Variants in NRXN3 observed in about 807,000 individuals in gnomAD.
NRXN3 encodes the protein neurexin 3.
NRXN3 carries 32 observed loss-of-function variants against 137.6 expected under a neutral mutation model. That is an observed-to-expected ratio of 0.23 (90% confidence interval 0.18 to 0.31). NRXN3 has a LOEUF of 0.31. Among genes scored for constraint, NRXN3 ranks in the 10% least tolerant of loss-of-function variants. The pLI is 1.00. For missense variants in NRXN3, 1,574 were observed against 2,062.5 expected (o/e 0.76, Z 4.59); for synonymous variants, 798 against 784.5 (o/e 1.02, Z -0.29).
rs536311609 is a variant in NRXN3 at position 79,857,504 on chromosome 14, G to A, written c.4094-3838G>A. Among the ~76,000 whole-genome samples the A allele has an allele frequency of 2.9e-4, 44 of 152,262 alleles. No homozygotes were observed. The South Asian group carries it at 8.9e-3, about 31-fold the overall frequency. On this transcript the variant is annotated intron_variant, in intron 20 of 20. Coordinates refer to ENST00000335750, the MANE Select transcript of NRXN3 (RefSeq NM_001330195.2). ...CCCAAAGTGCTGGGATTACAGGCGT[G>A]AGCCACCGTGCCTGGCCAAACTAAG...
At chr14:79,450,307 T>C (rs1403601256) in intron 15 of NRXN3, among the ~76,000 whole-genome samples, 1 of 152,144 alleles carries the variant, frequency 6.6e-6, no homozygotes, top group Non-Finnish European at 1.5e-5. Flanking sequence ...GAGCAGATGT[T>C]GGTCAAAGGG....
At chr14:79,257,433 GTGGTGGTGGTAGTGA>G (rs2076808203) in intron 15 of NRXN3, among the ~76,000 whole-genome samples, 57 of 61,814 alleles carry the variant, frequency 9.2e-4, no homozygotes, top group East Asian at 2.1e-3. Context: ...GATGGTGGTG[GTGGTGGTGGTAGTGA>G]TGGTGGTGGT....
At position 79,089,695 on chromosome 14, in the gene NRXN3, T is replaced by C. The variant is rs200287684; in HGVS notation, c.3262+101554T>C. 2.3e-3 allele frequency among the ~76,000 whole-genome samples: 324 copies of C among 141,876 alleles called. 1 individual carries two copies. The highest frequency in any genetic ancestry group is 8.1e-3 in the African/African-American group (312 of 38,570). The allele number at this position is 141,876 out of a possible 152,430, so 93.1% of individuals were successfully genotyped here. A position where few individuals can be genotyped will look rare whatever the true frequency, so the allele number is the denominator to read the frequency against. On this transcript the variant is annotated intron_variant, in intron 15 of 20. Coordinates refer to ENST00000335750, the MANE Select transcript of NRXN3 (RefSeq NM_001330195.2). ...TGTTACTAAAATCAGATTTTTTTTT[T>C]CCCATGGAGACGATGACTGCAGAAC...
chr14:79,067,493 G>C (rs903274945), intron 15 of NRXN3, among the ~76,000 whole-genome samples: 10 of 152,098 alleles, frequency 6.6e-5, no homozygotes, highest in Admixed American at 2.6e-4. Flanking sequence ...ATGAGTTAGG[G>C]AGGAGTCCCT....
chr14:78,994,010 C>T (rs759912653), intron 15 of NRXN3, among the ~76,000 whole-genome samples: 8 of 151,558 alleles, frequency 5.3e-5, no homozygotes, highest in Middle Eastern at 3.2e-3. Flanking sequence ...CCACACACCA[C>T]GTCCAGCTAA....
At chr14:79,053,636 T>G (rs200648539) in intron 15 of NRXN3, among the ~76,000 whole-genome samples, 1 of 1,644 alleles carries the variant, frequency 6.1e-4, no homozygotes, top group Non-Finnish European at 4.4e-3. Context: ...GTGTGTGTGT[T>G]GTGTGTGTGT....
chr14:79,098,327 T>C lies in NRXN3; in HGVS notation c.3262+110186T>C, dbSNP rs2050701989. ...TTAAAAATATATGTTTTATTGCATA[T>C]GCTTTAAAAAACCTATTTACTTAGC... On this transcript the variant is annotated intron_variant, in intron 15 of 20. Transcript: ENST00000335750. 1.3e-5 allele frequency among the ~76,000 whole-genome samples: 2 copies of C among 152,226 alleles called. 1 individual carries two copies. Among genetic ancestry groups the C allele is most frequent in the South Asian group, 4.1e-4 (2 of 4,836 alleles).
intron 10 of NRXN3, among the ~76,000 whole-genome samples, chr14:78,880,553 C>G (rs2099126272): frequency 6.6e-6 from 1 of 152,142 alleles, no homozygotes; most frequent in South Asian, 2.1e-4. Flanking sequence ...CCCTGGCTTT[C>G]TGCCAATGAC....
intron 15 of NRXN3, among the ~76,000 whole-genome samples, chr14:79,053,477 A>G (rs778794192): frequency 6.6e-6 from 1 of 152,148 alleles, no homozygotes; most frequent in Non-Finnish European, 1.5e-5. Flanking sequence ...GGCGATATCT[A>G]CCTTTCCTTG....
intron 10 of NRXN3, among the ~76,000 whole-genome samples, chr14:78,827,773 C>T (rs911975798): frequency 3.3e-5 from 5 of 152,224 alleles, no homozygotes; most frequent in Non-Finnish European, 5.9e-5. Context: ...CATGGCCAGG[C>T]CTCACTCAAA....
chr14:79,490,204 C>T (rs1006119937), intron 16 of NRXN3, among the ~76,000 whole-genome samples: 14 of 152,094 alleles, frequency 9.2e-5, no homozygotes, highest in Non-Finnish European at 1.6e-4. Context: ...AACCACTGAA[C>T]ACTGTTGGTT....
At chr14:79,214,339 A>G (rs1468494737) in intron 15 of NRXN3, among the ~76,000 whole-genome samples, 2 of 152,224 alleles carry the variant, frequency 1.3e-5, no homozygotes, top group African/African-American at 4.8e-5. Flanking sequence ...AAGGAAGTCA[A>G]ATTGCCTTTT....
chr14:79,328,286 T>C (rs1234840560), intron 15 of NRXN3, among the ~76,000 whole-genome samples: 4 of 152,174 alleles, frequency 2.6e-5, no homozygotes, highest in Admixed American at 6.6e-5. Flanking sequence ...CAGTGGTGAA[T>C]ATAAAAGGCT....
At chr14:79,724,876 C>T (rs2098873344) in intron 19 of NRXN3, among the ~76,000 whole-genome samples, 3 of 152,008 alleles carry the variant, frequency 2.0e-5, no homozygotes, top group Admixed American at 2.0e-4. Context: ...CATTGAGTGG[C>T]ATCAAACATG....
intron 4 of NRXN3, among the ~76,000 whole-genome samples, chr14:78,583,707 T>C (rs1480541843): frequency 6.6e-6 from 1 of 152,178 alleles, no homozygotes; most frequent in Non-Finnish European, 1.5e-5. Flanking sequence ...GAAAGCTTGC[T>C]GGACTATGAT....
intron 15 of NRXN3, among the ~76,000 whole-genome samples, chr14:79,007,960 G>T (rs943206907): frequency 6.6e-6 from 1 of 152,006 alleles, no homozygotes; most frequent in Non-Finnish European, 1.5e-5. Flanking sequence ...TGGTTCTGTG[G>T]CTTAGAAGGT....
chr14:79,297,346 C>A (rs2084353264), intron 15 of NRXN3, among the ~76,000 whole-genome samples: 1 of 152,034 alleles, frequency 6.6e-6, no homozygotes, highest in Non-Finnish European at 1.5e-5. Flanking sequence ...AGATAAATAA[C>A]TGACTTTTTA....
intron 4 of NRXN3, among the ~76,000 whole-genome samples, chr14:78,413,526 C>T (rs1440497320): frequency 6.6e-6 from 1 of 152,164 alleles, no homozygotes; most frequent in African/African-American, 2.4e-5. Context: ...CTCAGGTGGT[C>T]CGGCCGAGGC....
chr14:79,273,247 A>G (rs2079682718), intron 15 of NRXN3, among the ~76,000 whole-genome samples: 1 of 151,752 alleles, frequency 6.6e-6, no homozygotes, highest in Non-Finnish European at 1.5e-5. Context: ...GATTTGTATA[A>G]ACAGGAAAAG....
Sources: allele counts gnomAD v4.1 joint callset (sites outside exome capture counted in the v4.1 genomes callset), GRCh38; gene constraint gnomAD v4.1.1; transcripts MANE v1.5; gene names NCBI Gene and HGNC (gene_info 2026-07-23, HGNC 2026-07-21).